RBFOX1: variants seen among roughly 807,000 people sequenced by gnomAD.
RBFOX1 encodes RNA binding fox-1 homolog 1, also known as RNA binding protein fox-1 homolog 1.
Under a neutral mutation model 57.7 loss-of-function variants are expected in RBFOX1, and 8 were observed. The observed-to-expected ratio is 0.14, with a 90% CI of 0.08 to 0.25. The LOEUF (loss-of-function observed/expected upper bound fraction) is 0.25, where lower values mean the gene tolerates loss of function less well. RBFOX1 is among the 10% of genes least tolerant of loss of function. The pLI, the probability that RBFOX1 is intolerant of heterozygous loss-of-function variation, is 1.00. For missense variants in RBFOX1, 611 were observed against 548.5 expected, an observed-to-expected ratio of 1.11 and a Z score of -1.14; for synonymous variants, 326 against 222.4, an observed-to-expected ratio of 1.47 and a Z score of -4.15.
intron 2 of RBFOX1, among the ~76,000 whole-genome samples, chr16:6,395,025 G>T (rs1480155389): frequency 6.6e-6 from 1 of 152,166 alleles, no homozygotes; most frequent in African/African-American, 2.4e-5. Flanking sequence ...TAAATGGCTG[G>T]CCAATGGCCA....
upstream of RBFOX1, among the ~76,000 whole-genome samples, chr16:6,015,006 C>G (rs144267424): frequency 2.2e-4 from 34 of 152,080 alleles, no homozygotes; most frequent in East Asian, 6.6e-3. Context: ...CAGGTGCACA[C>G]CACTACGCCT....
intron 2 of RBFOX1, among the ~76,000 whole-genome samples, chr16:6,525,120 T>C (rs1042216994): frequency 9.2e-5 from 14 of 152,302 alleles, no homozygotes; most frequent in African/African-American, 3.4e-4. Flanking sequence ...AAAACAGAGA[T>C]ATTTGGTCAA....
At chr16:7,357,543 T>C (rs1328579828) in intron 4 of RBFOX1, among the ~76,000 whole-genome samples, 1 of 152,174 alleles carries the variant, frequency 6.6e-6, no homozygotes, top group African/African-American at 2.4e-5. Context: ...TCCACCTCTT[T>C]TCATACTTAC....
intron 1 of RBFOX1, among the ~76,000 whole-genome samples, chr16:5,344,809 G>A (rs180957328): frequency 6.6e-6 from 1 of 152,314 alleles, no homozygotes; most frequent in East Asian, 1.9e-4. Flanking sequence ...AACAGCACGT[G>A]CTTTGAGAAA....
intron 13 of RBFOX1, among the ~76,000 whole-genome samples, chr16:7,669,522 T>C (rs2070674744): frequency 6.6e-6 from 1 of 152,202 alleles, no homozygotes; most frequent in Non-Finnish European, 1.5e-5. Flanking sequence ...AAGAACATCC[T>C]AAGCGTCCTA....
At chr16:6,643,249 A>G (rs1327706354) in intron 2 of RBFOX1, among the ~76,000 whole-genome samples, 1 of 152,250 alleles carries the variant, frequency 6.6e-6, no homozygotes, top group East Asian at 1.9e-4. Flanking sequence ...TGCTTTCGGT[A>G]TTTTTTGCAA....
At position 5,467,120 on chromosome 16, in the gene RBFOX1, A is replaced by G. The variant is rs1044486357; in HGVS notation, c.220-96A>G. On this transcript the variant is annotated intron_variant, in intron 1 of 2. Transcript: ENST00000585867. ...GAATGAATAAAACATTCTTTTTTAA[A>G]TCTAAGAGAAAAACAAAGCCAAAGC... 3.4e-5 allele frequency: 45 copies of G among 1,309,520 alleles called. No individual in the cohort carries two copies. In the East Asian group the frequency reaches 1.1e-3, roughly 31 times the overall value. The allele number at this position is 1,309,520 out of a possible 1,614,324, so 81.1% of individuals were successfully genotyped here.
chr16:6,583,132 T>G (rs2097560813), intron 2 of RBFOX1, among the ~76,000 whole-genome samples: 1 of 152,034 alleles, frequency 6.6e-6, no homozygotes, highest in Non-Finnish European at 1.5e-5. Context: ...CATTCTCCAC[T>G]CAGAAAGCCA....
chr16:6,994,945 T>G (rs1017504520), intron 3 of RBFOX1, among the ~76,000 whole-genome samples: 10 of 147,994 alleles, frequency 6.8e-5, no homozygotes, highest in African/African-American at 1.7e-4. Context: ...TTGCATTATT[T>G]TGTGTGTGTG....
chr16:7,665,275 C>G (rs531075514), intron 13 of RBFOX1, among the ~76,000 whole-genome samples: 6 of 152,290 alleles, frequency 3.9e-5, no homozygotes, highest in Admixed American at 3.3e-4. Flanking sequence ...GAAATTGTCT[C>G]TCAAGTTCTC....
At chr16:5,410,603 G>C (rs2151462757) in intron 1 of RBFOX1, among the ~76,000 whole-genome samples, 1 of 152,242 alleles carries the variant, frequency 6.6e-6, no homozygotes, top group South Asian at 2.1e-4. Flanking sequence ...TGTCACTCAA[G>C]GTCTTTACAG....
At chr16:5,387,756 G>A (rs147975895) in intron 1 of RBFOX1, among the ~76,000 whole-genome samples, 2 of 152,280 alleles carry the variant, frequency 1.3e-5, no homozygotes, top group African/African-American at 2.4e-5. Context: ...GATATGTTAC[G>A]TTCCATGGCA....
chr16:6,489,451 G>C (rs2095580553), intron 2 of RBFOX1, among the ~76,000 whole-genome samples: 1 of 152,100 alleles, frequency 6.6e-6, no homozygotes, highest in Admixed American at 6.6e-5. Flanking sequence ...TTTTTACAAA[G>C]AGGGAACAGA....
At chr16:7,060,399 C>T (rs1303816567) in intron 4 of RBFOX1, among the ~76,000 whole-genome samples, 1 of 152,152 alleles carries the variant, frequency 6.6e-6, no homozygotes, top group African/African-American at 2.4e-5. Flanking sequence ...CTTAGACTCA[C>T]ATCAAAGATC....
chr16:6,622,895 A>T lies in RBFOX1; in HGVS notation c.-63-31708A>T, dbSNP rs182848953. Among the ~76,000 whole-genome samples the T allele has an allele frequency of 6.1e-4, 93 of 152,354 alleles. 1 individual carries two copies. The highest frequency in any genetic ancestry group is 2.6e-3 in the Admixed American group (40 of 15,306). On this transcript the variant is annotated intron_variant, in intron 2 of 15. Coordinates refer to ENST00000550418, the MANE Select transcript of RBFOX1 (RefSeq NM_018723.4). Reference sequence around the variant, plus strand: ...CACATGTTGTTCTGCCAAGTTGGGCAACATAATGCCCCCTCAGAATGCTAG... The same window carrying T: ...CACATGTTGTTCTGCCAAGTTGGGCTACATAATGCCCCCTCAGAATGCTAG...
intron 2 of RBFOX1, chr16:5,598,886 G>T: frequency 1.3e-6 from 2 of 1,490,522 alleles, no homozygotes; most frequent in Admixed American, 2.3e-5. Flanking sequence ...TTCTCTATTT[G>T]TTTGTTTTTT....
intron 2 of RBFOX1, among the ~76,000 whole-genome samples, chr16:6,507,131 C>G (rs1043265680): frequency 6.6e-6 from 1 of 152,156 alleles, no homozygotes; most frequent in Non-Finnish European, 1.5e-5. Flanking sequence ...CCTCAGCCTT[C>G]TGAGCCAGCA....
intron 4 of RBFOX1, among the ~76,000 whole-genome samples, chr16:7,222,710 G>A (rs1385244890): frequency 6.6e-6 from 1 of 152,194 alleles, no homozygotes; most frequent in Admixed American, 6.5e-5. Flanking sequence ...GATGTTACAG[G>A]TGTAAGCCAA....
chr16:6,683,311 G>T (rs1246774983), intron 3 of RBFOX1, among the ~76,000 whole-genome samples: 1 of 152,048 alleles, frequency 6.6e-6, no homozygotes, highest in South Asian at 2.1e-4. Context: ...CTTTAAATAC[G>T]GTCCTGGGCA....
Sources: allele counts gnomAD v4.1 joint callset (sites outside exome capture counted in the v4.1 genomes callset), GRCh38; gene constraint gnomAD v4.1.1; transcripts MANE v1.5; gene names NCBI Gene and HGNC (gene_info 2026-07-23, HGNC 2026-07-21).